Variants in AFAP1 observed in about 807,000 individuals in gnomAD.
AFAP1 encodes actin filament-associated protein 1.
AFAP1 carries 75 observed loss-of-function variants against 93.9 expected under a neutral mutation model. The ratio of observed to expected loss-of-function variants is 0.80; its 90% CI spans 0.66 to 0.97. The LOEUF is 0.97. AFAP1 is among the 50% of genes least tolerant of loss of function. The pLI is 0.00. For missense variants in AFAP1, 1,201 were observed against 1,050.8 expected (o/e 1.14, Z -1.98); for synonymous variants, 517 against 430.7 (o/e 1.20, Z -2.48).
chr4:7,901,920 G>C (rs527373892), intron 1 of AFAP1, among the ~76,000 whole-genome samples: 2 of 152,270 alleles, frequency 1.3e-5, no homozygotes, highest in East Asian at 3.9e-4. Flanking sequence ...TAAAGTCCCA[G>C]AGATTTTATA....
intron 2 of AFAP1, among the ~76,000 whole-genome samples, chr4:7,871,481 G>C (rs1361053045): frequency 1.3e-5 from 2 of 152,224 alleles, no homozygotes; most frequent in African/African-American, 4.8e-5. Context: ...CACAGAGCTT[G>C]CTGCGTTTTT....
intron 3 of AFAP1, among the ~76,000 whole-genome samples, chr4:7,861,074 C>T (rs1715625481): frequency 6.6e-6 from 1 of 152,206 alleles, no homozygotes; most frequent in Non-Finnish European, 1.5e-5. Flanking sequence ...AATACATACA[C>T]CTAGGATTTG....
chr4:7,907,281 C>G (rs1174393317), intron 1 of AFAP1, among the ~76,000 whole-genome samples: 3 of 152,140 alleles, frequency 2.0e-5, no homozygotes, highest in Admixed American at 2.0e-4. Flanking sequence ...CTGCTTCTCC[C>G]TGGGCTCACT....
chr4:7,862,623 G>C (rs1038616981), intron 3 of AFAP1, among the ~76,000 whole-genome samples: 1 of 152,114 alleles, frequency 6.6e-6, no homozygotes, highest in Non-Finnish European at 1.5e-5. Context: ...CACAATAAAA[G>C]GAAACTTGGC....
At chr4:7,937,005 T>C (rs1012877289) in intron 1 of AFAP1, among the ~76,000 whole-genome samples, 2 of 152,112 alleles carry the variant, frequency 1.3e-5, no homozygotes, top group African/African-American at 2.4e-5. Flanking sequence ...GGTTGAAACA[T>C]ACTTCACATG....
chr4:7,800,770 A>G (rs1718950650), intron 9 of AFAP1, 117 bp from the exon 10 acceptor site: 2 of 972,058 alleles, frequency 2.1e-6, no homozygotes, highest in African/African-American at 1.6e-5. Flanking sequence ...CAAATCCTTC[A>G]CACGATCGAT....
At chr4:7,923,943 C>T (rs1720574404) in intron 1 of AFAP1, among the ~76,000 whole-genome samples, 1 of 152,196 alleles carries the variant, frequency 6.6e-6, no homozygotes, top group Non-Finnish European at 1.5e-5. Context: ...AATGTCTTTT[C>T]AATCCTGTTA....
intron 4 of AFAP1, among the ~76,000 whole-genome samples, chr4:7,848,203 A>C (rs894516558): frequency 2.6e-5 from 1 of 39,050 alleles, no homozygotes; most frequent in African/African-American, 1.5e-4. Context: ...GGAAGGAAGC[A>C]AGGGAGGGAG....
intron 4 of AFAP1, among the ~76,000 whole-genome samples, chr4:7,852,952 T>C (rs1017627053): frequency 6.6e-6 from 1 of 152,166 alleles, no homozygotes; most frequent in South Asian, 2.1e-4. Context: ...CTCTGTCTCC[T>C]CTGCGGGGAG....
chr4:7,772,970 C>T lies in AFAP1; in HGVS notation c.2103G>A (p.Gln701=). 6.2e-7 allele frequency: 1 copy of T among 1,612,798 alleles called. No individual in the cohort carries two copies. ...PQAILEEKLK[Q]LEEECRQKEA... is the part of the protein sequence containing the mutation. ...CCTTCTGCCGGCACTCCTCCTCCAG[C>T]TGCTTCAGCTTCTCCTCCAGGATCG... is the stretch of plus-strand genomic sequence containing the variant. The change falls in exon 16 of 18, where the codon CAG becomes CAA. Residue 701 remains glutamine, a synonymous_variant. Coordinates refer to ENST00000420658, the MANE Select transcript of AFAP1 (RefSeq NM_001134647.2).
intron 1 of AFAP1, among the ~76,000 whole-genome samples, chr4:7,921,399 G>A (rs1007470017): frequency 3.9e-5 from 6 of 151,904 alleles, no homozygotes; most frequent in Non-Finnish European, 8.8e-5. Flanking sequence ...TGGCCAGGCT[G>A]GTCTCAAACT....
intron 1 of AFAP1, among the ~76,000 whole-genome samples, chr4:7,933,976 G>A (rs796072375): frequency 3.3e-5 from 5 of 152,314 alleles, no homozygotes; most frequent in African/African-American, 1.2e-4. Context: ...AATGAATATA[G>A]TGATTTACGT....
intron 6 of AFAP1, among the ~76,000 whole-genome samples, chr4:7,821,172 G>A (rs963401024): frequency 6.6e-6 from 1 of 152,160 alleles, no homozygotes; most frequent in Admixed American, 6.5e-5. Flanking sequence ...TTGGGGGAAA[G>A]TATTTAATCT....
intron 12 of AFAP1, among the ~76,000 whole-genome samples, chr4:7,782,239 G>C (rs1716848751): frequency 6.6e-6 from 1 of 152,262 alleles, no homozygotes; most frequent in Admixed American, 6.5e-5. Flanking sequence ...GGAGGGAAGG[G>C]CGCGCTCATC....
chr4:7,813,048 G>T (rs781317545), intron 8 of AFAP1, among the ~76,000 whole-genome samples: 1 of 152,156 alleles, frequency 6.6e-6, no homozygotes, highest in Non-Finnish European at 1.5e-5. Context: ...CTTGAGAGAA[G>T]AAACAGGAGT....
intron 1 of AFAP1, among the ~76,000 whole-genome samples, chr4:7,925,094 C>T (rs572478870): frequency 1.3e-5 from 2 of 152,304 alleles, no homozygotes; most frequent in African/African-American, 4.8e-5. Context: ...ACGACACCGA[C>T]TCCCTTGCCA....
chr4:7,811,331 T>C (rs1200282947), intron 8 of AFAP1, among the ~76,000 whole-genome samples: 1 of 135,220 alleles, frequency 7.4e-6, no homozygotes, highest in East Asian at 2.0e-4. Context: ...CAGGAACAAA[T>C]GAACCCACAC....
intron 4 of AFAP1, among the ~76,000 whole-genome samples, chr4:7,851,333 T>C (rs1714413781): frequency 6.6e-6 from 1 of 152,140 alleles, no homozygotes; most frequent in Non-Finnish European, 1.5e-5. Context: ...CTCCATCCAC[T>C]CCAGAAGATG....
chr4:7,848,096 G>T (rs1713953669), intron 4 of AFAP1, among the ~76,000 whole-genome samples: 1 of 92,420 alleles, frequency 1.1e-5, no homozygotes, highest in Admixed American at 1.1e-4. Flanking sequence ...GGGAGGGAAG[G>T]AAAGAAGGAA....
Sources: allele counts gnomAD v4.1 joint callset (sites outside exome capture counted in the v4.1 genomes callset), GRCh38; gene constraint gnomAD v4.1.1; transcripts MANE v1.5; gene names NCBI Gene and HGNC (gene_info 2026-07-23, HGNC 2026-07-21).